The following KCNK2 variants were observed in gnomAD, a reference collection of about 807,000 sequenced individuals.
KCNK2 encodes potassium channel subfamily K member 2.
A neutral mutation model predicts 40.5 loss-of-function variants in KCNK2; 21 were observed. The ratio of observed to expected loss-of-function variants is 0.52; its 90% CI spans 0.37 to 0.75. The LOEUF (loss-of-function observed/expected upper bound fraction) is 0.75. KCNK2 is among the 30% of genes least tolerant of loss of function. The probability of loss-of-function intolerance (pLI) is 0.00; values close to 1 mark genes in which losing one functional copy is unlikely to be tolerated. For missense variants in KCNK2, 399 were observed against 531.6 expected, an observed-to-expected ratio of 0.75 and a Z score of 2.45; for synonymous variants, 191 against 202.2, an observed-to-expected ratio of 0.94 and a Z score of 0.47.
In KCNK2 at chr1:215,236,177, T is replaced by A. The variant is rs983843311; in HGVS notation, c.*1032T>A. On this transcript the variant is annotated 3_prime_UTR_variant, in exon 7 of 7. Coordinates refer to ENST00000444842, the MANE Select transcript of KCNK2 (RefSeq NM_001017425.3). ...AAACAGTGGGTGTGAATTATCATTC[T>A]GATGGAAAGAAAATAGCAAAACAAT... 1 of 152,300 alleles carries A rather than the reference T, an allele frequency of 6.6e-6. No individual in the cohort carries two copies. Among genetic ancestry groups the A allele is most frequent in the Non-Finnish European group, 1.5e-5 (1 of 68,038 alleles). The allele number at this position is 152,300 out of a possible 1,614,324, so 9.4% of individuals were successfully genotyped here. A position where few individuals can be genotyped will look rare whatever the true frequency, so the allele number is the denominator to read the frequency against.
intron 1 of KCNK2, among the ~76,000 whole-genome samples, chr1:215,073,700 T>C (rs1052897960): frequency 3.9e-5 from 6 of 152,138 alleles, no homozygotes; most frequent in African/African-American, 1.4e-4. Flanking sequence ...ATTGACTTAC[T>C]TGCTGTGCTA....
chr1:215,083,467 C>G lies in KCNK2; in HGVS notation c.46+36C>G, dbSNP rs371383172. On this transcript the variant is annotated intron_variant, in intron 1 of 6. Coordinates refer to ENST00000444842, the MANE Select transcript of KCNK2 (RefSeq NM_001017425.3). ...CCCTCCGGTACCCCCACCCCTCTGG[C>G]CGCACGCTCTCCTGCCCCAGCCTTT... The G allele has an allele frequency of 9.5e-6, 14 of 1,475,006 alleles. No homozygotes were observed. In the African/African-American group the frequency reaches 1.9e-4, roughly 20 times the overall value. The allele number at this position is 1,475,006 out of a possible 1,614,324, so 91.4% of individuals were successfully genotyped here. A position where few individuals can be genotyped will look rare whatever the true frequency, so the allele number is the denominator to read the frequency against.
intron 1 of KCNK2, among the ~76,000 whole-genome samples, chr1:215,029,609 AAT>A (rs977937656): frequency 7.5e-5 from 11 of 147,108 alleles, no homozygotes; most frequent in African/African-American, 1.5e-4. Context: ...TTAATATATT[AAT>A]ATATATTTAA....
At chr1:215,070,329 TGGC>T (rs1658706131) in intron 1 of KCNK2, among the ~76,000 whole-genome samples, 4 of 141,716 alleles carry the variant, frequency 2.8e-5, no homozygotes, top group African/African-American at 1.1e-4. Flanking sequence ...GGCAGGAGAA[TGGC>T]GTGAATCTGG....
chr1:215,059,173 ATATT>A (rs1658282866), intron 1 of KCNK2, among the ~76,000 whole-genome samples: 1 of 151,932 alleles, frequency 6.6e-6, no homozygotes, highest in South Asian at 2.1e-4. Context: ...ACACACATAC[ATATT>A]TATTTCCCCC....
intron 6 of KCNK2, among the ~76,000 whole-genome samples, chr1:215,227,671 G>C (rs975121138): frequency 1.3e-5 from 2 of 152,140 alleles, no homozygotes; most frequent in Non-Finnish European, 2.9e-5. Flanking sequence ...ATGCATTTGA[G>C]GGGATAGGGA....
intron 1 of KCNK2, among the ~76,000 whole-genome samples, chr1:215,050,378 A>G (rs1657943136): frequency 6.6e-6 from 1 of 152,192 alleles, no homozygotes; most frequent in South Asian, 2.1e-4. Flanking sequence ...GTGTCATGTC[A>G]TAACTATTCA....
intron 1 of KCNK2, among the ~76,000 whole-genome samples, chr1:215,029,356 A>G (rs1434913035): frequency 1.3e-5 from 2 of 148,380 alleles, no homozygotes; most frequent in Non-Finnish European, 3.0e-5. Flanking sequence ...GAGAAGTCAT[A>G]TACTTGGAAT....
upstream of KCNK2, among the ~76,000 whole-genome samples, chr1:215,082,652 G>T (rs1188854211): frequency 1.3e-5 from 2 of 152,002 alleles, no homozygotes; most frequent in African/African-American, 4.8e-5. Flanking sequence ...GCAAGGGTAG[G>T]GCTAGGAGGA....
chr1:215,042,014 C>G (rs1657584293), intron 1 of KCNK2, among the ~76,000 whole-genome samples: 1 of 152,130 alleles, frequency 6.6e-6, no homozygotes, highest in South Asian at 2.1e-4. Context: ...GGGGAACTCT[C>G]CCTTATAAAA....
In KCNK2 at chr1:215,116,687, A is replaced by G. The variant is rs888429587; in HGVS notation, c.358-7946A>G. On this transcript the variant is annotated intron_variant, in intron 2 of 6. Transcript: ENST00000444842. Reference sequence around the variant, plus strand: ...TATTTACTTTTAGACGTGCTTCCTTAAAGTCTGGTGTGCAGAAACTGCCTT... The same window carrying G: ...TATTTACTTTTAGACGTGCTTCCTTGAAGTCTGGTGTGCAGAAACTGCCTT... Among the ~76,000 whole-genome samples, 7 of 152,244 alleles carry G rather than the reference A, an allele frequency of 4.6e-5. 1 individual carries two copies. Among genetic ancestry groups the G allele is most frequent in the Admixed American group, 3.3e-4 (5 of 15,282 alleles).
At chr1:215,107,626 C>A (rs1660488906) in intron 2 of KCNK2, among the ~76,000 whole-genome samples, 1 of 152,082 alleles carries the variant, frequency 6.6e-6, no homozygotes, top group South Asian at 2.1e-4. Flanking sequence ...TATACTTGTT[C>A]ATTTGCATGT....
chr1:215,018,829 T>C lies in KCNK2; in HGVS notation c.34+12874T>C, dbSNP rs72762604. Among the ~76,000 whole-genome samples, 1,460 of 152,180 alleles carry C rather than the reference T, an allele frequency of 9.6e-3. 7 individuals are homozygous for C. The highest frequency in any genetic ancestry group is 0.015 in the Non-Finnish European group (1,012 of 68,004). ...CTGCAAGTAAGAGTCACGATCAAAT[T>C]TGCATTCTTAAAAGATCACCCTGGC... On this transcript the variant is annotated intron_variant, in intron 1 of 6. Transcript: ENST00000391895.
chr1:215,083,250 G>T lies in KCNK2; in HGVS notation c.-136G>T. 8.4e-7 allele frequency: 1 copy of T among 1,194,398 alleles called. No homozygotes were observed. Among genetic ancestry groups the T allele is most frequent in the South Asian group, 1.5e-5 (1 of 68,192 alleles). The allele number at this position is 1,194,398 out of a possible 1,614,324, so 74.0% of individuals were successfully genotyped here. A position where few individuals can be genotyped will look rare whatever the true frequency, so the allele number is the denominator to read the frequency against. ...CGCTCTCCCCACCTTGTAAAACAAA[G>T]CCGGGGAAAATGCCTGCCCGTGCAG... On this transcript the variant is annotated 5_prime_UTR_variant, in exon 1 of 7. Transcript: ENST00000444842.
At chr1:215,217,424 G>C (rs1365649997) in intron 6 of KCNK2, among the ~76,000 whole-genome samples, 1 of 152,148 alleles carries the variant, frequency 6.6e-6, no homozygotes, top group African/African-American at 2.4e-5. Context: ...CATGTGTTTA[G>C]ATATACATGC....
chr1:215,097,817 T>C (rs1365156639), intron 2 of KCNK2, among the ~76,000 whole-genome samples: 1 of 151,946 alleles, frequency 6.6e-6, no homozygotes, highest in East Asian at 1.9e-4. Context: ...TAGAGAGGAA[T>C]AGAACCTGTG....
chr1:215,224,933 G>A (rs6663635), intron 6 of KCNK2, among the ~76,000 whole-genome samples: 148,686 of 152,202 alleles, frequency 0.98, 72,724 homozygotes, highest in East Asian at 1. Flanking sequence ...TCTGATACTT[G>A]GGTTGCGTTG....
intron 2 of KCNK2, among the ~76,000 whole-genome samples, chr1:215,096,983 A>C (rs1660002567): frequency 6.6e-6 from 1 of 151,832 alleles, no homozygotes; most frequent in African/African-American, 2.4e-5. Flanking sequence ...GGATCCTTAG[A>C]GATAGAAAAC....
chr1:215,085,523 T>C (rs1366347509), intron 1 of KCNK2, among the ~76,000 whole-genome samples: 2 of 152,208 alleles, frequency 1.3e-5, no homozygotes, highest in Admixed American at 6.5e-5. Context: ...ATAAATCCAC[T>C]CTAATGGAGC....
Sources: gnomAD v4.1 joint callset for allele counts (sites outside exome capture counted in the v4.1 genomes callset) on GRCh38, gnomAD v4.1.1 for gene constraint, MANE v1.5 for transcripts, NCBI Gene and HGNC (gene_info 2026-07-23, HGNC 2026-07-21) for gene names.